The following CTNND2 variants were observed in gnomAD, a reference collection of about 807,000 sequenced individuals.
CTNND2 encodes the protein catenin delta 2, also known as catenin delta-2.
Under a neutral mutation model 144.4 loss-of-function variants are expected in CTNND2, and 22 were observed. The ratio of observed to expected loss-of-function variants is 0.15; its 90% CI spans 0.11 to 0.22. The LOEUF (loss-of-function observed/expected upper bound fraction) is 0.22, where lower values mean the gene tolerates loss of function less well. Ranked by LOEUF, CTNND2 falls within the 10% of genes least tolerant of loss-of-function variation. The pLI, the probability that CTNND2 is intolerant of heterozygous loss-of-function variation, is 1.00. For missense variants in CTNND2, 1,353 were observed against 1,618.8 expected, an observed-to-expected ratio of 0.84 and a Z score of 2.82; for synonymous variants, 751 against 695.6, an observed-to-expected ratio of 1.08 and a Z score of -1.25.
At chr5:11,858,527 T>C (rs1457694463) in intron 1 of CTNND2, among the ~76,000 whole-genome samples, 1 of 152,264 alleles carries the variant, frequency 6.6e-6, no homozygotes, top group Non-Finnish European at 1.5e-5. Context: ...ACACGAACCC[T>C]GCAGATAACT....
chr5:11,425,291 G>T (rs936039449), intron 3 of CTNND2, among the ~76,000 whole-genome samples: 6 of 152,210 alleles, frequency 3.9e-5, no homozygotes, highest in Non-Finnish European at 8.8e-5. Flanking sequence ...GGTAGCTACT[G>T]CAGTGCCAAT....
chr5:11,125,436 G>A (rs78878096), intron 12 of CTNND2, among the ~76,000 whole-genome samples: 2,016 of 152,376 alleles, frequency 0.013, 42 homozygotes, highest in African/African-American at 0.045. Flanking sequence ...CTACTTAGCT[G>A]TGAAGGCGCT....
At chr5:11,634,911 A>T (rs62338652) in intron 2 of CTNND2, among the ~76,000 whole-genome samples, 33,499 of 151,804 alleles carry the variant, frequency 0.22, 3,842 homozygotes, top group East Asian at 0.31. Context: ...ATTTTTGGCA[A>T]CCTGGAGATT....
intron 11 of CTNND2, among the ~76,000 whole-genome samples, chr5:11,192,468 G>T (rs1430405712): frequency 6.6e-6 from 1 of 152,146 alleles, no homozygotes; most frequent in Non-Finnish European, 1.5e-5. Context: ...TGAAGGTAAA[G>T]AATCTAAAAT....
At chr5:11,425,504 C>T (rs1025063823) in intron 3 of CTNND2, among the ~76,000 whole-genome samples, 15 of 152,128 alleles carry the variant, frequency 9.9e-5, no homozygotes, top group Non-Finnish European at 1.9e-4. Context: ...CTGTATGTGT[C>T]CTGAAGTTAT....
At chr5:11,068,934 C>A (rs546870285) in intron 16 of CTNND2, among the ~76,000 whole-genome samples, 7 of 152,128 alleles carry the variant, frequency 4.6e-5, no homozygotes, top group Admixed American at 2.0e-4. Context: ...AAAACAACAA[C>A]AAAAAAATAA....
chr5:11,133,537 T>C (rs1443953892), intron 12 of CTNND2, among the ~76,000 whole-genome samples: 1 of 151,682 alleles, frequency 6.6e-6, no homozygotes, highest in Non-Finnish European at 1.5e-5. Flanking sequence ...TTCTTAGTAG[T>C]GATAAGGTTT....
At chr5:11,294,976 G>C (rs1748753174) in intron 9 of CTNND2, among the ~76,000 whole-genome samples, 1 of 152,138 alleles carries the variant, frequency 6.6e-6, no homozygotes, top group South Asian at 2.1e-4. Flanking sequence ...TGGAAGTTCT[G>C]GCCAGGGCAA....
intron 14 of CTNND2, among the ~76,000 whole-genome samples, chr5:11,101,924 T>TGTGTGTGTGTGTGTGTGTG (rs56315636): frequency 6.6e-6 from 1 of 151,556 alleles, no homozygotes; most frequent in African/African-American, 2.4e-5. Flanking sequence ...TGTGTGTGTG[T>TGTGTGTGTGTGTGTGTGTG]TTACATCTTC....
chr5:11,126,857 A>T (rs1754728833), intron 12 of CTNND2, among the ~76,000 whole-genome samples: 1 of 152,244 alleles, frequency 6.6e-6, no homozygotes, highest in Non-Finnish European at 1.5e-5. Flanking sequence ...TGGTAACTTA[A>T]AAAATAAGGA....
At chr5:11,370,499 C>T (rs1416555336) in intron 7 of CTNND2, among the ~76,000 whole-genome samples, 1 of 152,130 alleles carries the variant, frequency 6.6e-6, no homozygotes, top group South Asian at 2.1e-4. Context: ...TCATTTGTTG[C>T]TTTATTCAAA....
At chr5:11,129,179 T>A (rs375432312) in intron 12 of CTNND2, among the ~76,000 whole-genome samples, 3 of 51,524 alleles carry the variant, frequency 5.8e-5, no homozygotes, top group Non-Finnish European at 6.8e-5. Flanking sequence ...TTATATATTT[T>A]ATATATAATA....
At chr5:11,852,369 A>G (rs576168430) in intron 1 of CTNND2, among the ~76,000 whole-genome samples, 2 of 152,344 alleles carry the variant, frequency 1.3e-5, no homozygotes, top group African/African-American at 4.8e-5. Context: ...GCACAATGCC[A>G]AATCACTATA....
At chr5:11,601,077 A>C (rs1779767639) in intron 2 of CTNND2, among the ~76,000 whole-genome samples, 1 of 152,190 alleles carries the variant, frequency 6.6e-6, no homozygotes, top group Non-Finnish European at 1.5e-5. Flanking sequence ...ATATAGATGT[A>C]GAAATATCTT....
At position 11,904,201 on chromosome 5, in the gene CTNND2, T is replaced by C. The variant is rs987564391; in HGVS notation, c.-348A>G. Among the ~76,000 whole-genome samples the C allele has an allele frequency of 6.9e-6, 1 of 144,436 alleles. No individual in the cohort carries two copies. Among genetic ancestry groups the C allele is most frequent in the African/African-American group, 2.5e-5 (1 of 40,226 alleles). The allele number at this position is 144,436 out of a possible 152,430, so 94.8% of individuals were successfully genotyped here. A position where few individuals can be genotyped will look rare whatever the true frequency, so the allele number is the denominator to read the frequency against. On this transcript the variant is annotated 5_prime_UTR_variant, in exon 1 of 22. Coordinates refer to ENST00000304623, the MANE Select transcript of CTNND2 (RefSeq NM_001332.4). This position sits in a 1 kb window ranked among gnomAD's most constrained non-coding sequence, Gnocchi z 4.2. ...AGAGAGCAGCCGCCGCGCCCGCAGC[T>C]CCGCTCAGCCGGCTGTCGCCGCGGG...
chr5:11,354,628 C>T (rs970383643), intron 8 of CTNND2, among the ~76,000 whole-genome samples: 1 of 152,048 alleles, frequency 6.6e-6, no homozygotes, highest in Admixed American at 6.5e-5. Flanking sequence ...ATTATTAGAC[C>T]TAAAGGAAGA....
intron 3 of CTNND2, among the ~76,000 whole-genome samples, chr5:11,526,362 C>T (rs531965456): frequency 6.6e-6 from 1 of 152,304 alleles, no homozygotes; most frequent in South Asian, 2.1e-4. Flanking sequence ...ACCAACTCGC[C>T]TATGGTGAAA....
At chr5:11,557,134 A>C (rs2150094088) in intron 3 of CTNND2, among the ~76,000 whole-genome samples, 1 of 152,324 alleles carries the variant, frequency 6.6e-6, no homozygotes, top group Non-Finnish European at 1.5e-5. Flanking sequence ...TTAATAATTC[A>C]GCTTTTTGTA....
At chr5:11,819,003 T>G (rs1793168168) in intron 1 of CTNND2, among the ~76,000 whole-genome samples, 1 of 152,148 alleles carries the variant, frequency 6.6e-6, no homozygotes, top group African/African-American at 2.4e-5. Flanking sequence ...GCTTTACAGT[T>G]TTTTCTTTCC....
Sources: allele counts gnomAD v4.1 joint callset (sites outside exome capture counted in the v4.1 genomes callset), GRCh38; gene constraint gnomAD v4.1.1; non-coding constraint Gnocchi (gnomAD v3.1); transcripts MANE v1.5; gene names NCBI Gene and HGNC (gene_info 2026-07-23, HGNC 2026-07-21).